RSL24D1: variants seen among roughly 807,000 people sequenced by gnomAD.
RSL24D1 encodes ribosomal L24 domain containing 1, also known as probable ribosome biogenesis protein RLP24.
Under a neutral mutation model 26.2 loss-of-function variants are expected in RSL24D1, and 6 were observed. The ratio of observed to expected loss-of-function variants is 0.23; its 90% CI spans 0.13 to 0.45. The LOEUF (loss-of-function observed/expected upper bound fraction) is 0.45, where lower values mean the gene tolerates loss of function less well. Among genes scored for constraint, RSL24D1 ranks in the 20% least tolerant of loss-of-function variants. The pLI is 0.99. For missense variants in RSL24D1, 176 were observed against 202.6 expected (o/e 0.87, Z 0.80); for synonymous variants, 61 against 59.1 (o/e 1.03, Z -0.15).
intron 4 of RSL24D1, among the ~76,000 whole-genome samples, chr15:55,184,171 T>C (rs1389480116): frequency 6.6e-6 from 1 of 152,184 alleles, no homozygotes; most frequent in Non-Finnish European, 1.5e-5. Context: ...ATTTAAAAGC[T>C]AATGGTCCTG....
chr15:55,188,171 G>A (rs1894244012), intron 3 of RSL24D1, among the ~76,000 whole-genome samples: 1 of 152,146 alleles, frequency 6.6e-6, no homozygotes, highest in South Asian at 2.1e-4. Context: ...AAATGATACT[G>A]AAATACGAGG....
intron 2 of RSL24D1, among the ~76,000 whole-genome samples, chr15:55,191,808 T>C (rs145026583): frequency 9.8e-5 from 15 of 152,354 alleles, no homozygotes; most frequent in Non-Finnish European, 1.6e-4. Flanking sequence ...CACAGCTTTA[T>C]TCAGATCATA....
At chr15:55,189,193 C>CA (rs11320888) in intron 3 of RSL24D1, among the ~76,000 whole-genome samples, 1,037 of 66,018 alleles carry the variant, frequency 0.016, 2 homozygotes, top group South Asian at 0.043. Flanking sequence ...ACTCCCATCT[C>CA]AAAAAAAAAA....
intron 2 of RSL24D1, 31 bp from the exon 3 acceptor site, chr15:55,191,078 A>C (rs765098354): frequency 1.4e-6 from 2 of 1,470,512 alleles, no homozygotes; most frequent in Admixed American, 2.2e-5. Flanking sequence ...GATAAAAATA[A>C]GGTTTTAAGA....
intron 3 of RSL24D1, among the ~76,000 whole-genome samples, chr15:55,190,553 G>T (rs1207830195): frequency 2.0e-5 from 3 of 152,186 alleles, no homozygotes; most frequent in Admixed American, 6.5e-5. Flanking sequence ...TAATTTTAAA[G>T]AAGCACTGAA....
At position 55,191,016 on chromosome 15, in the gene RSL24D1, T is replaced by C. The variant is rs769784566; in HGVS notation, c.227A>G (p.Asn76Ser). 3.5e-5 allele frequency: 56 copies of C among 1,604,706 alleles called. No individual in the cohort carries two copies. In the South Asian group the frequency reaches 6.2e-4, roughly 18 times the overall value. The stretch of plus-strand genomic sequence containing the variant: ...CTCTCGCTGGTATTTGATAGGTTCA[T>C]TTCTACGTTTTTCAAATTCAAATGA... ...DNSFEFEKRR[N>S]EPIKYQRELW... The change falls in exon 3 of 6, where the codon AAT becomes AGT. Residue 76 changes from asparagine (N) to serine (S), a missense_variant. By Grantham distance (46) the Asn-to-Ser change is conservative. Around this residue, in one of 3 missense-constraint regions of RSL24D1, gnomAD observed 89 missense variants for 135.1 expected, o/e 0.66. Coordinates refer to ENST00000260443, the MANE Select transcript of RSL24D1 (RefSeq NM_016304.3).
rs1387677921 is a variant in RSL24D1, at chr15:55,181,385, A to G, written c.*767T>C. The G allele has an allele frequency of 6.6e-6, 1 of 152,650 alleles. No individual in the cohort carries two copies. Among genetic ancestry groups the G allele is most frequent in the African/African-American group, 2.4e-5 (1 of 41,468 alleles). 9.5% of individuals were successfully genotyped at this position (152,650 alleles called of 1,614,324 possible). ...TTGTACCCATAAATTCTACTTTCCA[A>G]AAACAGGAGCTTTTTAAAAGAAAAC... On this transcript the variant is annotated 3_prime_UTR_variant, in exon 6 of 6. Transcript: ENST00000260443.
intron 3 of RSL24D1, among the ~76,000 whole-genome samples, chr15:55,189,546 C>G (rs1290261279): frequency 6.6e-6 from 1 of 152,168 alleles, no homozygotes; most frequent in Non-Finnish European, 1.5e-5. Flanking sequence ...CAAGCTTGAC[C>G]AACCCACGGC....
chr15:55,196,017 T>C (rs929228718), intron 1 of RSL24D1, among the ~76,000 whole-genome samples: 1 of 152,172 alleles, frequency 6.6e-6, no homozygotes, highest in African/African-American at 2.4e-5. Context: ...TGAGAAACAA[T>C]GTGTTTCTCT....
chr15:55,188,293 A>C (rs1239339876), intron 3 of RSL24D1, among the ~76,000 whole-genome samples: 5 of 152,224 alleles, frequency 3.3e-5, no homozygotes, highest in Admixed American at 6.5e-5. Context: ...TAAATTCCAA[A>C]GACTCTCATA....
chr15:55,194,071 G>C (rs1894328275), intron 1 of RSL24D1: 1 of 151,942 alleles, frequency 6.6e-6, no homozygotes, highest in African/African-American at 2.4e-5. Context: ...TCTAATGGGA[G>C]GACTAAATTT....
chr15:55,196,874 C>T lies in RSL24D1; in HGVS notation c.17G>A (p.Cys6Tyr). 1 of 1,614,198 alleles carries T rather than the reference C, an allele frequency of 6.2e-7. No individual in the cohort carries two copies. Among genetic ancestry groups the T allele is most frequent in the Non-Finnish European group, 8.5e-7 (1 of 1,180,032 alleles). The change falls in exon 1 of 6, where the codon TGT becomes TAT. Residue 6 changes from cysteine to tyrosine, a missense_variant. Around this residue, in one of 3 missense-constraint regions of RSL24D1, gnomAD observed 44 missense variants for 28.8 expected, o/e 1.53. Transcript: ENST00000260443. MRIEK[C>Y]YFCSGPIYPG... ...ATAGATGGGCCCCGAACAGAAATAA[C>T]ACTTTTCGATACGCATGTTGAACCC...
At chr15:55,185,748 T>G (rs969748016) in intron 3 of RSL24D1, among the ~76,000 whole-genome samples, 16 of 152,200 alleles carry the variant, frequency 1.1e-4, no homozygotes, top group Admixed American at 4.6e-4. Flanking sequence ...TACTGACAAC[T>G]AATCCCATTC....
chr15:55,183,294 G>C (rs766625869), intron 5 of RSL24D1, 21 bp downstream of exon 5: 2 of 1,587,926 alleles, frequency 1.3e-6, no homozygotes, highest in South Asian at 1.1e-5. Flanking sequence ...CAAAAATCTA[G>C]ATGTGCAATG....
At chr15:55,191,991 T>C (rs1424769064) in intron 2 of RSL24D1, among the ~76,000 whole-genome samples, 1 of 152,218 alleles carries the variant, frequency 6.6e-6, no homozygotes, top group Non-Finnish European at 1.5e-5. Flanking sequence ...CAATAGTCTT[T>C]ACATTCATTG....
rs1326795404 is a variant in RSL24D1, at chr15:55,181,704, T to G, written c.*448A>C. On this transcript the variant is annotated 3_prime_UTR_variant, in exon 6 of 6. Coordinates refer to ENST00000260443, the MANE Select transcript of RSL24D1 (RefSeq NM_016304.3). ...GCAAATAAACCAAAACAGGAAATAC[T>G]AAAATAAAAATATCTGACACTGCCA... is the stretch of plus-strand genomic sequence containing the variant. The G allele has an allele frequency of 6.4e-6, 1 of 155,582 alleles. No individual in the cohort carries two copies. Among genetic ancestry groups the G allele is most frequent in the East Asian group, 1.9e-4 (1 of 5,334 alleles). 9.6% of individuals were successfully genotyped at this position (155,582 alleles called of 1,614,324 possible). A position where few individuals can be genotyped will look rare whatever the true frequency, so the allele number is the denominator to read the frequency against.
intron 2 of RSL24D1, chr15:55,192,348 A>G (rs914928614): frequency 6.1e-6 from 1 of 164,530 alleles, no homozygotes; most frequent in African/African-American, 2.4e-5. Context: ...TCTCAGATAC[A>G]AAGTCCTGCT....
At chr15:55,182,552 C>T (rs747077496) in intron 5 of RSL24D1, among the ~76,000 whole-genome samples, 4 of 152,190 alleles carry the variant, frequency 2.6e-5, no homozygotes, top group Admixed American at 6.5e-5. Context: ...CCCCAGCCAT[C>T]TGGATCCAAG....
intron 2 of RSL24D1, among the ~76,000 whole-genome samples, chr15:55,191,384 G>C (rs1894295741): frequency 6.6e-6 from 1 of 151,388 alleles, no homozygotes; most frequent in Non-Finnish European, 1.5e-5. Flanking sequence ...AGAAAACTTT[G>C]AATTATGTTG....
Sources: gnomAD v4.1 joint callset for allele counts (sites outside exome capture counted in the v4.1 genomes callset) on GRCh38, gnomAD v4.1.1 for gene constraint, gnomAD v4.1.1 regional missense constraint, MANE v1.5 for transcripts, NCBI Gene and HGNC (gene_info 2026-07-23, HGNC 2026-07-21) for gene names.